The following PDIA4 variants were observed in gnomAD, a reference collection of about 807,000 sequenced individuals.
PDIA4 encodes the protein protein disulfide-isomerase A4.
Under a neutral mutation model 62.1 loss-of-function variants are expected in PDIA4, and 33 were observed. The ratio of observed to expected loss-of-function variants is 0.53; its 90% CI spans 0.40 to 0.71. The LOEUF is 0.71. Ranked by LOEUF, PDIA4 falls within the 30% of genes least tolerant of loss-of-function variation. The probability of loss-of-function intolerance (pLI) is 0.00; values close to 1 mark genes in which losing one functional copy is unlikely to be tolerated. For missense variants in PDIA4, 804 were observed against 813.6 expected, an observed-to-expected ratio of 0.99 and a Z score of 0.14; for synonymous variants, 341 against 324.1, an observed-to-expected ratio of 1.05 and a Z score of -0.56.
At position 149,003,631 on chromosome 7, in the gene PDIA4, T is replaced by G; in HGVS notation, c.*163A>C. On this transcript the variant is annotated 3_prime_UTR_variant, in exon 10 of 10. Transcript: ENST00000652332. Reference sequence around the variant, plus strand: ...AAACTATTCAGTCATTCATGGTTATTCAGTATTCAGAGCATGAAGTGAAAC... The same window carrying G: ...AAACTATTCAGTCATTCATGGTTATGCAGTATTCAGAGCATGAAGTGAAAC... 1 of 461,938 alleles carries G rather than the reference T, an allele frequency of 2.2e-6. No homozygotes were observed. Among genetic ancestry groups the G allele is most frequent in the Non-Finnish European group, 3.8e-6 (1 of 266,408 alleles). 28.6% of individuals were successfully genotyped at this position (461,938 alleles called of 1,614,324 possible). A position where few individuals can be genotyped will look rare whatever the true frequency, so the allele number is the denominator to read the frequency against.
chr7:149,023,642 A>G (rs1007569678), intron 1 of PDIA4, among the ~76,000 whole-genome samples: 2 of 152,112 alleles, frequency 1.3e-5, no homozygotes, highest in African/African-American at 2.4e-5. Flanking sequence ...AAGGTCGGAA[A>G]TAATGCACTG....
chr7:149,008,067 A>C, intron 7 of PDIA4, 92 bp downstream of exon 7: 1 of 1,247,312 alleles, frequency 8.0e-7, no homozygotes, highest in Non-Finnish European at 1.1e-6. Context: ...CAAGAGCGAA[A>C]CCTCCACGTT....
Position 149,005,898 on chromosome 7 carries a change from A to G in PDIA4, c.1287T>C (p.Ala429=). 6.6e-7 allele frequency: 1 copy of G among 1,505,834 alleles called. No homozygotes were observed. The highest frequency in any genetic ancestry group is 2.6e-5 in the East Asian group (1 of 38,238). 93.3% of individuals were successfully genotyped at this position (1,505,834 alleles called of 1,614,324 possible). Residue 429 remains alanine (A), a splice_region_variant and synonymous_variant, in exon 8 of 10, where the codon GCT becomes GCC. Transcript: ENST00000652332. ...CAGGTCTTGGTGGGGGTCCCTCACC[A>G]GCTCTGTAATCAAAGCTGAAGTCCA... The part of the protein sequence containing the change: ...YSVDFSFDYR[A]ATQFWRSKVL...
At chr7:149,026,717 T>C (rs1824571390) in intron 1 of PDIA4, among the ~76,000 whole-genome samples, 1 of 149,826 alleles carries the variant, frequency 6.7e-6, no homozygotes, top group East Asian at 2.0e-4. Context: ...GAGGATCCCA[T>C]GAGCCCAGGA....
rs151183604 is a variant in PDIA4 at position 149,004,120 on chromosome 7, T to C, written c.1612A>G (p.Ile538Val). Reference sequence around the variant, plus strand: ...ACGTCCTTCTTGGGGTCCATCACAATGGAGTCAAAGGTCTTTCCCACCACG... The same window carrying C: ...ACGTCCTTCTTGGGGTCCATCACAACGGAGTCAAAGGTCTTTCCCACCACG... ...KVVVGKTFDS[I>V]VMDPKKDVLI... is the part of the protein sequence containing the mutation. The change falls in exon 10 of 10, where the codon ATT becomes GTT. Residue 538 changes from isoleucine (I) to valine (V), a missense_variant. Coordinates refer to ENST00000652332, the MANE Select transcript of PDIA4 (RefSeq NM_004911.5). 1.4e-5 allele frequency: 23 copies of C among 1,613,958 alleles called. No individual in the cohort carries two copies. In the African/African-American group the frequency reaches 3.1e-4, roughly 22 times the overall value.
In PDIA4 at chr7:149,020,964, T is replaced by C; in HGVS notation, c.269+3A>G. ...CCTGCAGAAATTAGAACGCGGTCCT[T>C]ACCATGGAGCATAAAACTCCAGCAG... On this transcript the variant is annotated splice_donor_region_variant and intron_variant, in intron 2 of 9. Coordinates refer to ENST00000652332, the MANE Select transcript of PDIA4 (RefSeq NM_004911.5). 6.2e-7 allele frequency: 1 copy of C among 1,613,922 alleles called. No individual in the cohort carries two copies. Among genetic ancestry groups the C allele is most frequent in the Non-Finnish European group, 8.5e-7 (1 of 1,179,830 alleles).
At chr7:149,023,135 A>G (rs1305832494) in intron 1 of PDIA4, among the ~76,000 whole-genome samples, 2 of 152,254 alleles carry the variant, frequency 1.3e-5, no homozygotes, top group South Asian at 4.2e-4. Context: ...ACACAGAGAA[A>G]GACAGCCTGG....
chr7:149,007,638 T>C (rs915722086), intron 7 of PDIA4, among the ~76,000 whole-genome samples: 2 of 152,200 alleles, frequency 1.3e-5, no homozygotes, highest in South Asian at 4.1e-4. Flanking sequence ...GGGCTGAGTG[T>C]GTCACACTCT....
At chr7:149,025,085 A>AATATAT (rs869119727) in intron 1 of PDIA4, among the ~76,000 whole-genome samples, 1 of 22,336 alleles carries the variant, frequency 4.5e-5, no homozygotes, top group African/African-American at 6.1e-5. Flanking sequence ...AAAAAAAAAA[A>AATATAT]ATATATATAT....
chr7:149,022,624 A>G (rs1356641106), intron 1 of PDIA4, among the ~76,000 whole-genome samples: 1 of 152,050 alleles, frequency 6.6e-6, no homozygotes, highest in African/African-American at 2.4e-5. Flanking sequence ...TGGGCTGTGG[A>G]TGAGGTCAGG....
intron 1 of PDIA4, among the ~76,000 whole-genome samples, chr7:149,021,744 C>G (rs1192202599): frequency 6.6e-6 from 1 of 152,150 alleles, no homozygotes; most frequent in Non-Finnish European, 1.5e-5. Context: ...GACTACCCTA[C>G]CCTTCCAGAG....
At chr7:149,027,878 C>G (rs1390716856) in intron 1 of PDIA4, 2 of 477,042 alleles carry the variant, frequency 4.2e-6, no homozygotes, top group East Asian at 6.8e-5. Context: ...CTTGCTGTTC[C>G]AAAGAACTCG....
At chr7:149,026,669 A>G (rs1399862041) in intron 1 of PDIA4, among the ~76,000 whole-genome samples, 1 of 151,812 alleles carries the variant, frequency 6.6e-6, no homozygotes, top group Non-Finnish European at 1.5e-5. Flanking sequence ...CGTGTTGGCA[A>G]GCACCTACAG....
chr7:149,019,579 G>A (rs1400070657), intron 2 of PDIA4, among the ~76,000 whole-genome samples: 1 of 152,208 alleles, frequency 6.6e-6, no homozygotes, highest in African/African-American at 2.4e-5. Flanking sequence ...GGGAGGCCAA[G>A]GTGGGCGGAT....
At position 149,011,973 on chromosome 7, in the gene PDIA4, C is replaced by A. The variant is rs370450689; in HGVS notation, c.852G>T (p.Gly284=). Residue 284 remains glycine (G), a synonymous_variant, in exon 6 of 10, where the codon GGG becomes GGT. Transcript: ENST00000652332. ...GIVDYMIEQS[G]PPSKEILTLK... ...GGGTCAGAATCTCCTTGGAGGGAGG[C>A]CCGGACTGCTCGATCATGTAATCAA... The A allele has an allele frequency of 6.2e-7, 1 of 1,603,136 alleles. No individual in the cohort carries two copies. The highest frequency in any genetic ancestry group is 8.5e-7 in the Non-Finnish European group (1 of 1,174,236).
intron 1 of PDIA4, among the ~76,000 whole-genome samples, chr7:149,023,553 T>C (rs570255495): frequency 1.3e-5 from 2 of 152,184 alleles, no homozygotes; most frequent in Admixed American, 1.3e-4. Context: ...GGACCATCCA[T>C]ATCCACTCTC....
rs1396201709 is a variant in PDIA4, at chr7:149,025,907, TC to T, written c.88+2413del. ...CAAACAGGATCAGAATATTTTCCTT[TC>T]CTGTTTTAGCATGAAGGATGTGTAG... On this transcript the variant is annotated intron_variant, in intron 1 of 9. Transcript: ENST00000652332. 5.3e-5 allele frequency among the ~76,000 whole-genome samples: 8 copies of T among 152,296 alleles called. No homozygotes were observed. In the South Asian group the frequency reaches 1.5e-3, roughly 28 times the overall value.
chr7:149,020,677 T>C lies in PDIA4; in HGVS notation c.269+290A>G, dbSNP rs139668019. ...GTTACCAACACAGGGCTCTGTGTCA[T>C]TGCCGCTTGTTAAATGCCCGTCCCC... On this transcript the variant is annotated intron_variant, in intron 2 of 9. Transcript: ENST00000652332. Among the ~76,000 whole-genome samples, 971 of 152,298 alleles carry C rather than the reference T, an allele frequency of 6.4e-3. 2 individuals carry two copies. The highest frequency in any genetic ancestry group is 0.011 in the Non-Finnish European group (755 of 68,024).
Position 149,028,429 on chromosome 7 carries a change from G to A in PDIA4, c.-21C>T. On this transcript the variant is annotated 5_prime_UTR_variant, in exon 1 of 10. Coordinates refer to ENST00000652332, the MANE Select transcript of PDIA4 (RefSeq NM_004911.5). ...CTCATGGTAGCGGGGGCGGAGCGCG[G>A]CCTCCTAGCGTCGGCGGCCGCTGAG... The A allele has an allele frequency of 1.4e-6, 2 of 1,451,766 alleles. No individual in the cohort carries two copies. Among genetic ancestry groups the A allele is most frequent in the South Asian group, 1.3e-5 (1 of 76,240 alleles). 89.9% of individuals were successfully genotyped at this position (1,451,766 alleles called of 1,614,324 possible).
Sources: allele counts gnomAD v4.1 joint callset (sites outside exome capture counted in the v4.1 genomes callset), GRCh38; gene constraint gnomAD v4.1.1; transcripts MANE v1.5; gene names NCBI Gene and HGNC (gene_info 2026-07-23, HGNC 2026-07-21).